F13A1: variants seen among roughly 807,000 people sequenced by gnomAD.
The protein encoded by F13A1 is coagulation factor XIII A chain.
Under a neutral mutation model 80.1 loss-of-function variants are expected in F13A1, and 47 were observed. That is an observed-to-expected ratio of 0.59 (90% CI 0.46 to 0.75). The LOEUF (loss-of-function observed/expected upper bound fraction) is 0.75. Among genes scored for constraint, F13A1 ranks in the 30% least tolerant of loss-of-function variants. The probability of loss-of-function intolerance (pLI) is 0.00; values close to 1 mark genes in which losing one functional copy is unlikely to be tolerated. For synonymous variants in F13A1, 349 were observed against 344.9 expected (o/e 1.01, Z -0.13); for missense variants, 817 against 930.4 (o/e 0.88, Z 1.59).
intron 8 of F13A1, among the ~76,000 whole-genome samples, chr6:6,205,570 C>T (rs1761471799): frequency 6.6e-6 from 1 of 152,168 alleles, no homozygotes; most frequent in African/African-American, 2.4e-5. Flanking sequence ...CTTAAGCTTC[C>T]AAGAACAGAT....
intron 10 of F13A1, among the ~76,000 whole-genome samples, chr6:6,183,904 G>A (rs904400027): frequency 4.6e-5 from 7 of 152,194 alleles, no homozygotes; most frequent in African/African-American, 1.4e-4. Flanking sequence ...AGGCCAGAGT[G>A]AGATAAGATC....
chr6:6,289,905 G>T (rs1212436115), intron 3 of F13A1, among the ~76,000 whole-genome samples: 4 of 151,914 alleles, frequency 2.6e-5, no homozygotes, highest in African/African-American at 4.8e-5. Flanking sequence ...GCACTTTCTG[G>T]AGGATTCTTT....
rs1760246882 is a variant in F13A1 at position 6,144,716 on chromosome 6, C to T, written c.*903G>A. The T allele has an allele frequency of 6.6e-6, 1 of 152,424 alleles. No individual in the cohort carries two copies. The highest frequency in any genetic ancestry group is 6.6e-5 in the Admixed American group (1 of 15,264). 9.4% of individuals were successfully genotyped at this position (152,424 alleles called of 1,614,324 possible). ...CCGCCAGCTTCTTCAACTTGTTGGG[C>T]TTATTATATCTCTGAAAGGGGACCT... On this transcript the variant is annotated 3_prime_UTR_variant, in exon 15 of 15. Coordinates refer to ENST00000264870, the MANE Select transcript of F13A1 (RefSeq NM_000129.4).
intron 10 of F13A1, among the ~76,000 whole-genome samples, chr6:6,184,584 G>C (rs1245110210): frequency 1.3e-5 from 2 of 152,184 alleles, no homozygotes; most frequent in East Asian, 3.9e-4. Context: ...TGAGAATTCG[G>C]GAATTCCCTC....
At chr6:6,206,640 C>T in intron 8 of F13A1, 1 of 468,428 alleles carries the variant, frequency 2.1e-6, no homozygotes, top group Non-Finnish European at 4.5e-6. Flanking sequence ...GCAGTGATTT[C>T]CAACCTTCAA....
chr6:6,284,108 C>T (rs1758104130), intron 3 of F13A1, among the ~76,000 whole-genome samples: 1 of 152,186 alleles, frequency 6.6e-6, no homozygotes, highest in African/African-American at 2.4e-5. Context: ...AATATGATTA[C>T]CTTATGCATG....
intron 8 of F13A1, 41 bp from the exon 9 acceptor site, chr6:6,197,367 C>A: frequency 1.9e-6 from 3 of 1,567,260 alleles, no homozygotes; most frequent in South Asian, 1.1e-5. Context: ...CTTCCCATCA[C>A]ACCCAATGCT....
intron 8 of F13A1, among the ~76,000 whole-genome samples, chr6:6,200,286 G>C (rs1220809244): frequency 6.6e-6 from 1 of 152,170 alleles, no homozygotes; most frequent in African/African-American, 2.4e-5. Context: ...TGACTTAGAG[G>C]CTGGCTACAG....
At chr6:6,307,955 G>A (rs1758536500) in intron 2 of F13A1, among the ~76,000 whole-genome samples, 1 of 151,000 alleles carries the variant, frequency 6.6e-6, no homozygotes, top group Non-Finnish European at 1.5e-5. Flanking sequence ...CACTCTCTAG[G>A]TATTTAAAGA....
intron 8 of F13A1, among the ~76,000 whole-genome samples, chr6:6,210,969 G>A: frequency 6.6e-6 from 1 of 152,136 alleles, no homozygotes; most frequent in East Asian, 1.9e-4. Context: ...GATCTCAAGT[G>A]ATCCTCCTGC....
chr6:6,187,150 T>A (rs1761093751), intron 10 of F13A1, among the ~76,000 whole-genome samples: 1 of 125,008 alleles, frequency 8.0e-6, no homozygotes, highest in Admixed American at 8.2e-5. Flanking sequence ...TTTCTAGATA[T>A]ACAATCATGT....
chr6:6,175,640 G>A (rs1454296661), intron 11 of F13A1, among the ~76,000 whole-genome samples: 1 of 152,230 alleles, frequency 6.6e-6, no homozygotes, highest in Non-Finnish European at 1.5e-5. Flanking sequence ...GGTTCTAAGT[G>A]AAGCCCAGCA....
At chr6:6,219,140 G>A (rs1757149476) in intron 8 of F13A1, among the ~76,000 whole-genome samples, 1 of 152,138 alleles carries the variant, frequency 6.6e-6, no homozygotes, top group Admixed American at 6.5e-5. Flanking sequence ...GACAGGTTGA[G>A]GTGGGTGTGT....
intron 6 of F13A1, 127 bp from the exon 7 acceptor site, chr6:6,224,987 C>T (rs1186906214): frequency 6.1e-6 from 6 of 991,262 alleles, no homozygotes; most frequent in Non-Finnish European, 9.4e-6. Context: ...AAGAGTTCCA[C>T]TTCTGTTCGG....
intron 8 of F13A1, among the ~76,000 whole-genome samples, chr6:6,221,317 G>A (rs1247542230): frequency 6.6e-6 from 1 of 152,106 alleles, no homozygotes; most frequent in Non-Finnish European, 1.5e-5. Flanking sequence ...AGCTGTTCAG[G>A]GCAGTGAGAG....
chr6:6,312,405 C>T (rs868533528), intron 2 of F13A1, among the ~76,000 whole-genome samples: 44 of 138,192 alleles, frequency 3.2e-4, no homozygotes, highest in South Asian at 7.1e-4. Context: ...GGCGCGGTGG[C>T]TCATGCCTGT....
chr6:6,297,993 A>C (rs1758357175), intron 3 of F13A1, among the ~76,000 whole-genome samples: 1 of 150,204 alleles, frequency 6.7e-6, no homozygotes, highest in Non-Finnish European at 1.5e-5. Context: ...TTCTGCCTTC[A>C]TTTCATTATG....
At chr6:6,216,057 C>T (rs1334922487) in intron 8 of F13A1, among the ~76,000 whole-genome samples, 5 of 145,358 alleles carry the variant, frequency 3.4e-5, no homozygotes, top group South Asian at 2.3e-4. Flanking sequence ...ACATTCCATG[C>T]GCATGGGTAG....
intron 10 of F13A1, among the ~76,000 whole-genome samples, chr6:6,187,162 A>G (rs142270405): frequency 0.4 from 40,496 of 100,292 alleles, 9,002 homozygotes; most frequent in Middle Eastern, 0.61. Context: ...CAATCATGTC[A>G]TCTGCAAACA....
Sources: allele counts gnomAD v4.1 joint callset (sites outside exome capture counted in the v4.1 genomes callset), GRCh38; gene constraint gnomAD v4.1.1; transcripts MANE v1.5; gene names NCBI Gene and HGNC (gene_info 2026-07-23, HGNC 2026-07-21).